The following DNAH11 variants were observed in gnomAD, a reference collection of about 807,000 sequenced individuals.
DNAH11 encodes dynein axonemal heavy chain 11.
Under a neutral mutation model 526.0 loss-of-function variants are expected in DNAH11, and 442 were observed. That is an observed-to-expected ratio of 0.84 (90% CI 0.78 to 0.91). The LOEUF (loss-of-function observed/expected upper bound fraction) is 0.91. Ranked by LOEUF, DNAH11 falls within the 40% of genes least tolerant of loss-of-function variation. DNAH11 has a pLI of 0.00. For synonymous variants in DNAH11, 2,461 were observed against 1,935.9 expected, an observed-to-expected ratio of 1.27 and a Z score of -7.12; for missense variants, 6,989 against 5,448.7, an observed-to-expected ratio of 1.28 and a Z score of -8.90.
intron 46 of DNAH11, among the ~76,000 whole-genome samples, chr7:21,736,574 A>G (rs991270897): frequency 6.6e-6 from 1 of 152,214 alleles, no homozygotes; most frequent in African/African-American, 2.4e-5. Flanking sequence ...TTCCTTAGCT[A>G]TATCAGTGGA....
At chr7:21,788,577 C>T (rs148486198) in intron 60 of DNAH11, among the ~76,000 whole-genome samples, 129 of 152,200 alleles carry the variant, frequency 8.5e-4, no homozygotes, top group Middle Eastern at 3.4e-3. Flanking sequence ...CCTCTCTCCC[C>T]ACCAGCAGAA....
At chr7:21,702,945 T>C (rs1318582439) in intron 37 of DNAH11, 143 bp downstream of exon 37, 3 of 700,440 alleles carry the variant, frequency 4.3e-6, no homozygotes, top group South Asian at 2.0e-5. Context: ...AATTTGAGGA[T>C]TGGCGTTCCT....
intron 65 of DNAH11, among the ~76,000 whole-genome samples, chr7:21,836,403 C>A (rs1781999215): frequency 6.6e-6 from 1 of 152,092 alleles, no homozygotes; most frequent in Non-Finnish European, 1.5e-5. Flanking sequence ...AAAACAAACA[C>A]ATAGACAGAT....
chr7:21,640,167 C>T (rs1404216990), intron 28 of DNAH11, among the ~76,000 whole-genome samples: 1 of 152,170 alleles, frequency 6.6e-6, no homozygotes, highest in Non-Finnish European at 1.5e-5. Flanking sequence ...ATGCTAATTT[C>T]CAGATGGCTT....
At chr7:21,807,381 C>G (rs1369368398) in intron 62 of DNAH11, among the ~76,000 whole-genome samples, 1 of 152,172 alleles carries the variant, frequency 6.6e-6, no homozygotes, top group Non-Finnish European at 1.5e-5. Context: ...TGCCTATAGT[C>G]CCAGCTACTT....
chr7:21,670,609 A>T (rs1440697561), intron 30 of DNAH11, among the ~76,000 whole-genome samples: 1 of 152,158 alleles, frequency 6.6e-6, no homozygotes, highest in African/African-American at 2.4e-5. Context: ...GTCCATTTAC[A>T]TTCTTTGGTA....
At chr7:21,663,102 C>G (rs1004158906) in intron 30 of DNAH11, among the ~76,000 whole-genome samples, 2 of 152,106 alleles carry the variant, frequency 1.3e-5, no homozygotes, top group African/African-American at 2.4e-5. Context: ...TCACTTGTTT[C>G]ACTGATGATA....
At position 21,856,064 on chromosome 7, in the gene DNAH11, TAGTG is replaced by T. The variant is rs1427792515; in HGVS notation, c.11202+1615_11202+1618del. On this transcript the variant is annotated intron_variant, in intron 68 of 81. Transcript: ENST00000409508. ...GATGAAAGAATTCAGGGATTCCAGG[TAGTG>T]AGTGAATTTCTGTGGCTGCAGGGTA... 5.3e-5 allele frequency among the ~76,000 whole-genome samples: 8 copies of T among 152,000 alleles called. 1 individual carries two copies. The highest frequency in any genetic ancestry group is 1.0e-4 in the Non-Finnish European group (7 of 68,012).
intron 65 of DNAH11, among the ~76,000 whole-genome samples, chr7:21,838,991 A>G (rs1782102458): frequency 1.3e-5 from 2 of 152,126 alleles, no homozygotes; most frequent in South Asian, 4.1e-4. Flanking sequence ...CCATGTCCTC[A>G]CCAACACTTG....
intron 76 of DNAH11, 83 bp from the exon 77 acceptor site, chr7:21,892,342 C>G (rs1420074220): frequency 4.6e-6 from 7 of 1,529,046 alleles, no homozygotes; most frequent in Non-Finnish European, 8.8e-7. Flanking sequence ...GCCTTCTTGT[C>G]AGGGTCTTCT....
In DNAH11 at chr7:21,787,613, T is replaced by C. The variant is rs776254981; in HGVS notation, c.9924+30T>C. 5 of 1,561,486 alleles carry C rather than the reference T, an allele frequency of 3.2e-6. No homozygotes were observed. In the South Asian group the frequency reaches 3.7e-5, roughly 12 times the overall value. Reference sequence around the variant, plus strand: ...CAATCCTAAATTGATTGTTTACAGATGTTCTCCACAAAGGGCTGCAAACAC... The same window carrying C: ...CAATCCTAAATTGATTGTTTACAGACGTTCTCCACAAAGGGCTGCAAACAC... On this transcript the variant is annotated intron_variant, in intron 60 of 81. Coordinates refer to ENST00000409508, the MANE Select transcript of DNAH11 (RefSeq NM_001277115.2).
intron 42 of DNAH11, among the ~76,000 whole-genome samples, chr7:21,712,680 G>A (rs1474429630): frequency 3.3e-4 from 50 of 152,172 alleles, no homozygotes; most frequent in Admixed American, 3.3e-3. Flanking sequence ...TTGGAAAAAT[G>A]TTCATGTAAG....
chr7:21,600,802 G>A lies in DNAH11; in HGVS notation c.3127G>A (p.Asp1043Asn). ...TLETHTYLWV[D>N]DRAEFMKHFL... ...GGAGACCCACACTTACCTCTGGGTG[G>A]ATGATCGAGCTGAGTTTATGAAGCA... Residue 1043 changes from aspartate to asparagine, a missense_variant, in exon 16 of 82, where the codon GAT becomes AAT. Coordinates refer to ENST00000409508, the MANE Select transcript of DNAH11 (RefSeq NM_001277115.2). The A allele has an allele frequency of 6.2e-7, 1 of 1,613,892 alleles. No homozygotes were observed.
chr7:21,733,815 A>G (rs1187319232), intron 45 of DNAH11, among the ~76,000 whole-genome samples: 2 of 152,146 alleles, frequency 1.3e-5, no homozygotes, highest in Admixed American at 6.6e-5. Context: ...TCAACCTTCT[A>G]AGGCAGGGAC....
intron 45 of DNAH11, among the ~76,000 whole-genome samples, chr7:21,726,245 C>T (rs1374425269): frequency 6.6e-6 from 1 of 151,902 alleles, no homozygotes; most frequent in East Asian, 1.9e-4. Context: ...TTTAAATGGC[C>T]AGATCTCATG....
chr7:21,681,748 T>G, intron 31 of DNAH11, 71 bp downstream of exon 31: 1 of 1,576,986 alleles, frequency 6.3e-7, no homozygotes, highest in African/African-American at 1.3e-5. Flanking sequence ...CCAGAGTAGT[T>G]CCAAGAAAGT....
chr7:21,656,933 T>G (rs1416501166), intron 29 of DNAH11, among the ~76,000 whole-genome samples: 2 of 152,180 alleles, frequency 1.3e-5, no homozygotes, highest in African/African-American at 4.8e-5. Context: ...CCATAAACTC[T>G]CTTGACAAAA....
At position 21,808,015 on chromosome 7, in the gene DNAH11, T is replaced by C. The variant is rs1789348241; in HGVS notation, c.10298T>C (p.Val3433Ala). ...PFTRQYRQEL[V>A]HCKWVPFLQQ... ...ACAAGGCAGTATCGCCAGGAGCTGGTGCACTGCAAGTGGGTTCCCTTTCTT... is the reference window on the plus strand; with the variant it reads ...ACAAGGCAGTATCGCCAGGAGCTGGCGCACTGCAAGTGGGTTCCCTTTCTT... The change falls in exon 63 of 82, where the codon GTG (valine) becomes GCG (alanine). Residue 3433 changes from valine to alanine, a missense_variant. Physicochemically the swap from Val to Ala is moderately conservative, Grantham distance 64. Coordinates refer to ENST00000409508, the MANE Select transcript of DNAH11 (RefSeq NM_001277115.2). 2 of 1,579,686 alleles carry C rather than the reference T, an allele frequency of 1.3e-6. No homozygotes were observed. Among genetic ancestry groups the C allele is most frequent in the Non-Finnish European group, 8.6e-7 (1 of 1,156,848 alleles).
At chr7:21,875,946 C>G (rs943586180) in intron 74 of DNAH11, among the ~76,000 whole-genome samples, 4 of 131,868 alleles carry the variant, frequency 3.0e-5, no homozygotes, top group East Asian at 4.7e-4. Flanking sequence ...TGCAGTGGTA[C>G]GATCTCGGCT....
Sources: gnomAD v4.1 joint callset for allele counts (sites outside exome capture counted in the v4.1 genomes callset) on GRCh38, gnomAD v4.1.1 for gene constraint, MANE v1.5 for transcripts, NCBI Gene and HGNC (gene_info 2026-07-23, HGNC 2026-07-21) for gene names.